PRKX: variants seen among roughly 807,000 people sequenced by gnomAD.
PRKX encodes the protein cAMP-dependent protein kinase catalytic subunit PRKX.
A neutral mutation model predicts 22.0 loss-of-function variants in PRKX; 12 were observed. That is an observed-to-expected ratio of 0.54 (90% CI 0.35 to 0.88). The LOEUF (loss-of-function observed/expected upper bound fraction) is 0.88, where lower values mean the gene tolerates loss of function less well. PRKX is among the 40% of genes least tolerant of loss of function. The probability of loss-of-function intolerance (pLI) is 0.01; values close to 1 mark genes in which losing one functional copy is unlikely to be tolerated. For synonymous variants in PRKX, 134 were observed against 137.7 expected (o/e 0.97, Z 0.19); for missense variants, 217 against 308.0 (o/e 0.70, Z 2.21).
intron 2 of PRKX, among the ~76,000 whole-genome samples, chrX:3,669,286 CATCT>C (rs755069969): frequency 9.1e-6 from 1 of 109,464 alleles, no homozygotes; most frequent in African/African-American, 3.3e-5. Flanking sequence ...CAATATCTGT[CATCT>C]ATCAAATATC....
Position 3,674,234 on chromosome X carries a change from A to G in PRKX, c.335+364T>C, listed in dbSNP as rs186260984. On this transcript the variant is annotated intron_variant, in intron 2 of 8. Transcript: ENST00000262848. ...TCCACGTGACTGTGGTCCCTTAAAAACCAACTTAACCAGTTCTGCCGAGAG... is the reference window on the plus strand; with the variant it reads ...TCCACGTGACTGTGGTCCCTTAAAAGCCAACTTAACCAGTTCTGCCGAGAG... Among the ~76,000 whole-genome samples the G allele has an allele frequency of 3.0e-4, 33 of 110,847 alleles. No individual in the cohort carries two copies. In the East Asian group the frequency reaches 6.0e-3, roughly 20 times the overall value.
intron 3 of PRKX, among the ~76,000 whole-genome samples, chrX:3,652,309 T>C (rs1192092438): frequency 9.1e-6 from 1 of 110,350 alleles, no homozygotes; most frequent in Non-Finnish European, 1.9e-5. Flanking sequence ...TCCCAGCTAC[T>C]TGGGGGGCTG....
intron 1 of PRKX, among the ~76,000 whole-genome samples, chrX:3,701,269 C>T (rs1160392789): frequency 9.2e-6 from 1 of 108,348 alleles, no homozygotes; most frequent in Admixed American, 9.8e-5. Flanking sequence ...CCACCACACA[C>T]GGCTGATTTT....
At chrX:3,706,061 T>A (rs1250850575) in intron 1 of PRKX, among the ~76,000 whole-genome samples, 1 of 109,115 alleles carries the variant, frequency 9.2e-6, no homozygotes, top group Non-Finnish European at 1.9e-5. Flanking sequence ...GATATATCTC[T>A]CACTCTTTTT....
intron 4 of PRKX, among the ~76,000 whole-genome samples, chrX:3,628,899 G>T (rs1926712658): frequency 9.0e-6 from 1 of 110,608 alleles, no homozygotes; most frequent in African/African-American, 3.3e-5. Context: ...AATTAGCTGG[G>T]CATGGTCCCC....
chrX:3,697,592 C>T lies in PRKX; in HGVS notation c.166+15496G>A, dbSNP rs776882815. ...ATGCGGTCTCACTCTGTCACCCAGG[C>T]TGGAGTAGAGTGGTGTGATTATGGC... is the stretch of plus-strand genomic sequence containing the variant. On this transcript the variant is annotated intron_variant, in intron 1 of 8. Coordinates refer to ENST00000262848, the MANE Select transcript of PRKX (RefSeq NM_005044.5). Among the ~76,000 whole-genome samples, 8 of 108,717 alleles carry T rather than the reference C, an allele frequency of 7.4e-5. No individual in the cohort carries two copies. The East Asian group carries it at 2.3e-3, about 31-fold the overall frequency. 94.4% of individuals were successfully genotyped at this position (108,717 alleles called of 115,157 possible).
chrX:3,710,543 T>A (rs1034274702), intron 1 of PRKX, among the ~76,000 whole-genome samples: 4 of 111,539 alleles, frequency 3.6e-5, no homozygotes, highest in African/African-American at 1.3e-4. Flanking sequence ...GGCTAATTTT[T>A]GTATTTTCTC....
chrX:3,711,444 C>A (rs1928786763), intron 1 of PRKX, among the ~76,000 whole-genome samples: 2 of 111,878 alleles, frequency 1.8e-5, no homozygotes, highest in Admixed American at 9.5e-5. Context: ...CCCTGTGACA[C>A]CAGAACCCCT....
At chrX:3,703,643 T>C (rs1445265921) in intron 1 of PRKX, among the ~76,000 whole-genome samples, 1 of 106,026 alleles carries the variant, frequency 9.4e-6, no homozygotes, top group Non-Finnish European at 1.9e-5. Flanking sequence ...CAAATGCATC[T>C]AATGTGTTTT....
intron 4 of PRKX, among the ~76,000 whole-genome samples, chrX:3,631,578 A>T (rs1263149876): frequency 8.9e-6 from 1 of 112,611 alleles, no homozygotes; most frequent in Non-Finnish European, 1.9e-5. Context: ...CCAGACCTGG[A>T]ATGAGACCTT....
At chrX:3,682,626 C>T (rs906877724) in intron 1 of PRKX, among the ~76,000 whole-genome samples, 10 of 111,613 alleles carry the variant, frequency 9.0e-5, no homozygotes, top group African/African-American at 3.3e-4. Context: ...GAGACACAGA[C>T]GCAGAGGGGA....
intron 1 of PRKX, among the ~76,000 whole-genome samples, chrX:3,700,953 T>A (rs1479591743): frequency 8.9e-6 from 1 of 112,130 alleles, no homozygotes; most frequent in East Asian, 2.8e-4. Flanking sequence ...AAGAAAATAC[T>A]AAACTGTTTA....
chrX:3,706,684 T>C (rs1928692852), intron 1 of PRKX, among the ~76,000 whole-genome samples: 1 of 112,221 alleles, frequency 8.9e-6, no homozygotes, highest in Admixed American at 9.5e-5. Context: ...TCTCCCTTCT[T>C]TGCAGCGTGC....
intron 1 of PRKX, among the ~76,000 whole-genome samples, chrX:3,709,470 G>A (rs1279487851): frequency 1.8e-5 from 2 of 111,477 alleles, no homozygotes; most frequent in East Asian, 5.7e-4. Flanking sequence ...ATGAGTAAAT[G>A]CAGAACTAGG....
chrX:3,630,484 C>T (rs779184668), intron 4 of PRKX, among the ~76,000 whole-genome samples: 44 of 111,563 alleles, frequency 3.9e-4, no homozygotes, highest in South Asian at 1.1e-3. Flanking sequence ...GGCGTGAACC[C>T]GGGAGGCGGA....
intron 7 of PRKX, among the ~76,000 whole-genome samples, chrX:3,614,135 G>A (rs1256435291): frequency 3.6e-5 from 4 of 111,548 alleles, no homozygotes; most frequent in Admixed American, 9.6e-5. Flanking sequence ...AAAACTATCC[G>A]GCCATAAAAT....
At chrX:3,675,453 C>T (rs1394990832) in intron 1 of PRKX, among the ~76,000 whole-genome samples, 1 of 110,765 alleles carries the variant, frequency 9.0e-6, no homozygotes, top group Non-Finnish European at 1.9e-5. Context: ...CCTTCCCCTC[C>T]TCCATCTCTT....
intron 5 of PRKX, among the ~76,000 whole-genome samples, chrX:3,621,664 A>G (rs1262847585): frequency 8.9e-6 from 1 of 112,153 alleles, no homozygotes; most frequent in Admixed American, 9.5e-5. Flanking sequence ...CCTGCAAAAT[A>G]GAAGACATCT....
intron 5 of PRKX, among the ~76,000 whole-genome samples, chrX:3,623,151 CGTGTGTGTGT>C (rs60593114): frequency 2.1e-3 from 205 of 96,109 alleles, no homozygotes; most frequent in African/African-American, 7.1e-3. Context: ...TAAATTTCAA[CGTGTGTGTGT>C]GTGTGTGTGT....
Sources: gnomAD v4.1 joint callset for allele counts (sites outside exome capture counted in the v4.1 genomes callset) on GRCh38, gnomAD v4.1.1 for gene constraint, MANE v1.5 for transcripts, NCBI Gene and HGNC (gene_info 2026-07-23, HGNC 2026-07-21) for gene names.